The following PDHX variants were observed in gnomAD, a reference collection of about 807,000 sequenced individuals.
The protein encoded by PDHX is pyruvate dehydrogenase protein X component, mitochondrial.
In PDHX, 33 loss-of-function variants were observed where a neutral mutation model predicts 55.3. That is an observed-to-expected ratio of 0.60 (90% CI 0.45 to 0.80). PDHX has a LOEUF of 0.80. Ranked by LOEUF, PDHX falls within the 30% of genes least tolerant of loss-of-function variation. The probability of loss-of-function intolerance (pLI) is 0.00; values close to 1 mark genes in which losing one functional copy is unlikely to be tolerated. For synonymous variants in PDHX, 226 were observed against 219.4 expected (o/e 1.03, Z -0.27); for missense variants, 622 against 619.9 (o/e 1.00, Z -0.04).
intron 1 of PDHX, among the ~76,000 whole-genome samples, chr11:34,919,122 GTGGAAAGTATT>G (rs1243079235): frequency 6.6e-6 from 1 of 152,212 alleles, no homozygotes; most frequent in Non-Finnish European, 1.5e-5. Flanking sequence ...ATGTGAAGCT[GTGGAAAGTATT>G]TGGAAATACT....
At chr11:34,994,578 C>G in intron 10 of PDHX, among the ~76,000 whole-genome samples, 1 of 152,270 alleles carries the variant, frequency 6.6e-6, no homozygotes, top group Non-Finnish European at 1.5e-5. Context: ...AGCAGAAATT[C>G]CTGAGCTCCA....
intron 5 of PDHX, among the ~76,000 whole-genome samples, chr11:34,961,436 G>C (rs1383588715): frequency 6.6e-6 from 1 of 152,108 alleles, no homozygotes; most frequent in African/African-American, 2.4e-5. Flanking sequence ...GGCAGTAATA[G>C]TAAATGTTTC....
chr11:34,981,943 C>T lies in PDHX; in HGVS notation c.1024-2627C>T, dbSNP rs1285177548. Reference sequence around the variant, plus strand: ...TAGATTGCAAAAATGTTTTCCCATTCTGTAGGTTGCCTGTTCACTCTGATG... The same window carrying T: ...TAGATTGCAAAAATGTTTTCCCATTTTGTAGGTTGCCTGTTCACTCTGATG... On this transcript the variant is annotated intron_variant, in intron 8 of 10. Transcript: ENST00000227868. Among the ~76,000 whole-genome samples, 18 of 152,208 alleles carry T rather than the reference C, an allele frequency of 1.2e-4. No individual in the cohort carries two copies. In the South Asian group the frequency reaches 3.5e-3, roughly 30 times the overall value.
chr11:34,994,990 G>T lies in PDHX; in HGVS notation c.1324G>T (p.Val442Phe), dbSNP rs374793216. The T allele has an allele frequency of 4.3e-5, 69 of 1,614,046 alleles. No homozygotes were observed. The South Asian group carries it at 4.3e-4, about 10-fold the overall frequency. Reference protein sequence around the residue: ...INPPQACILAVGRFRPVLKLT... With the variant: ...INPPQACILAFGRFRPVLKLT... ...CCCTCCTCAGGCCTGCATTTTGGCG[G>T]TTGGGAGGTTCCGACCTGTGCTGAA... is the stretch of plus-strand genomic sequence containing the variant. The change falls in exon 11 of 11, where the codon GTT becomes TTT. Residue 442 changes from valine to phenylalanine, a missense_variant. Val to Phe is a conservative substitution (Grantham distance 50, BLOSUM62 -1). Transcript: ENST00000227868.
intron 8 of PDHX, among the ~76,000 whole-genome samples, chr11:34,983,842 A>G (rs1032386326): frequency 4.6e-5 from 7 of 152,216 alleles, no homozygotes; most frequent in Admixed American, 2.0e-4. Context: ...GAAAATGGCT[A>G]TACTGCCCAA....
chr11:34,978,922 G>A (rs1855442868), intron 8 of PDHX, among the ~76,000 whole-genome samples: 1 of 152,164 alleles, frequency 6.6e-6, no homozygotes, highest in Admixed American at 6.5e-5. Flanking sequence ...TTATACTTCA[G>A]AAACGAAAAG....
chr11:34,947,725 T>G, intron 3 of PDHX, 119 bp downstream of exon 3: 1 of 699,460 alleles, frequency 1.4e-6, no homozygotes, highest in Admixed American at 2.1e-5. Flanking sequence ...GTCTACTACA[T>G]AATACATTTT....
intron 2 of PDHX, among the ~76,000 whole-genome samples, chr11:34,939,131 A>G (rs554395762): frequency 7.7e-6 from 1 of 129,434 alleles, no homozygotes; most frequent in East Asian, 4.4e-4. Context: ...CATTTATGAT[A>G]ACTTGCTCCA....
intron 2 of PDHX, chr11:34,941,706 C>T (rs1163953591): frequency 6.5e-6 from 1 of 153,848 alleles, no homozygotes; most frequent in African/African-American, 2.4e-5. Flanking sequence ...ATAAAATAAA[C>T]ATCACCATTA....
At chr11:34,972,112 A>G (rs1855269570) in intron 7 of PDHX, among the ~76,000 whole-genome samples, 1 of 151,862 alleles carries the variant, frequency 6.6e-6, no homozygotes, top group South Asian at 2.1e-4. Flanking sequence ...TACTCTCTAG[A>G]TCACTCTGAC....
chr11:34,982,886 C>G (rs572010830), intron 8 of PDHX, among the ~76,000 whole-genome samples: 9 of 152,242 alleles, frequency 5.9e-5, no homozygotes, highest in African/African-American at 2.2e-4. Context: ...CTATTCCAAT[C>G]AATAGAAAAA....
intron 7 of PDHX, among the ~76,000 whole-genome samples, chr11:34,973,536 C>A (rs549285179): frequency 6.6e-6 from 1 of 151,974 alleles, no homozygotes; most frequent in Admixed American, 6.6e-5. Flanking sequence ...TGTATTTATT[C>A]ATTTTATCTT....
intron 9 of PDHX, among the ~76,000 whole-genome samples, chr11:34,987,678 G>A (rs1855676163): frequency 6.6e-6 from 1 of 151,626 alleles, no homozygotes; most frequent in African/African-American, 2.4e-5. Context: ...TCATTTAGCT[G>A]CTGTGGATGA....
intron 3 of PDHX, among the ~76,000 whole-genome samples, chr11:34,954,369 A>T (rs891603356): frequency 6.6e-6 from 1 of 152,210 alleles, no homozygotes; most frequent in Non-Finnish European, 1.5e-5. Context: ...ATCCCTGTGT[A>T]CACAGATGAG....
chr11:34,957,679 C>A, intron 4 of PDHX, 96 bp downstream of exon 4: 1 of 988,514 alleles, frequency 1.0e-6, no homozygotes, highest in Non-Finnish European at 1.6e-6. Context: ...CATCGTTGTA[C>A]ATCACGTAGG....
chr11:34,936,783 CTTTTTTTTTT>C (rs58582234), intron 2 of PDHX, among the ~76,000 whole-genome samples: 2 of 79,012 alleles, frequency 2.5e-5, no homozygotes, highest in African/African-American at 6.3e-5. Flanking sequence ...CTTTTCTTTT[CTTTTTTTTTT>C]TTTTTTTTTT....
At chr11:34,936,370 C>T (rs1029752810) in intron 2 of PDHX, among the ~76,000 whole-genome samples, 5 of 151,886 alleles carry the variant, frequency 3.3e-5, no homozygotes, top group African/African-American at 7.3e-5. Context: ...TGACTAACAT[C>T]GTAATTGGAA....
intron 9 of PDHX, among the ~76,000 whole-genome samples, chr11:34,986,387 A>G (rs894337879): frequency 6.6e-6 from 1 of 151,834 alleles, no homozygotes; most frequent in Non-Finnish European, 1.5e-5. Context: ...GTTTACTGAG[A>G]TATAGTATGT....
chr11:34,952,711 A>G lies in PDHX; in HGVS notation c.343-4673A>G, dbSNP rs1407998922. Reference sequence around the variant, plus strand: ...TATCTCAAAATAATAAGAGCTATCTATGACAAACCCACAGCCAATATCATA... The same window carrying G: ...TATCTCAAAATAATAAGAGCTATCTGTGACAAACCCACAGCCAATATCATA... On this transcript the variant is annotated intron_variant, in intron 3 of 10. Coordinates refer to ENST00000227868, the MANE Select transcript of PDHX (RefSeq NM_003477.3). Among the ~76,000 whole-genome samples the G allele has an allele frequency of 6.0e-5, 9 of 151,240 alleles. No individual in the cohort carries two copies. The East Asian group carries it at 1.6e-3, about 26-fold the overall frequency.
Sources: gnomAD v4.1 joint callset for allele counts (sites outside exome capture counted in the v4.1 genomes callset) on GRCh38, gnomAD v4.1.1 for gene constraint, MANE v1.5 for transcripts, NCBI Gene and HGNC (gene_info 2026-07-23, HGNC 2026-07-21) for gene names.